PPA2: variants seen among roughly 807,000 people sequenced by gnomAD.
The protein encoded by PPA2 is inorganic pyrophosphatase 2.
Under a neutral mutation model 49.5 loss-of-function variants are expected in PPA2, and 48 were observed. The observed-to-expected ratio is 0.97, with a 90% CI of 0.77 to 1.23. The LOEUF is 1.23. Ranked by LOEUF, PPA2 falls within the 50% of genes most tolerant of loss-of-function variation. PPA2 has a pLI of 0.00. For missense variants in PPA2, 429 were observed against 410.1 expected, an observed-to-expected ratio of 1.05 and a Z score of -0.40; for synonymous variants, 131 against 139.9, an observed-to-expected ratio of 0.94 and a Z score of 0.45.
chr4:105,438,153 A>G (rs763393976), intron 5 of PPA2, 117 bp from the exon 6 acceptor site: 59 of 743,376 alleles, frequency 7.9e-5, no homozygotes, highest in Non-Finnish European at 1.2e-4. Flanking sequence ...AAACATTATC[A>G]GAAATTACAT....
In PPA2 at chr4:105,452,853, T is replaced by C. The variant is rs140740729; in HGVS notation, c.267+745A>G. Reference sequence around the variant, plus strand: ...CTATTAAAGGTTTGACAGCCACATATATTTGTTTAGATATATTTAGAATAT... The same window carrying C: ...CTATTAAAGGTTTGACAGCCACATACATTTGTTTAGATATATTTAGAATAT... On this transcript the variant is annotated intron_variant, in intron 3 of 11. Transcript: ENST00000341695. 9.8e-4 allele frequency among the ~76,000 whole-genome samples: 149 copies of C among 152,228 alleles called. 1 individual carries two copies. The highest frequency in any genetic ancestry group is 3.4e-3 in the African/African-American group (142 of 41,524).
intron 1 of PPA2, chr4:105,473,675 T>G (rs1723631486): frequency 1.2e-6 from 1 of 813,582 alleles, no homozygotes; most frequent in Admixed American, 1.7e-5. Flanking sequence ...GCCTCTGCTC[T>G]CCGCTTTGGG....
At chr4:105,413,378 T>C (rs1406446986) in intron 7 of PPA2, among the ~76,000 whole-genome samples, 1 of 151,838 alleles carries the variant, frequency 6.6e-6, no homozygotes, top group Non-Finnish European at 1.5e-5. Context: ...AAATGACGAG[T>C]TGATGGGTGC....
At chr4:105,465,714 G>A (rs191679843) in intron 1 of PPA2, among the ~76,000 whole-genome samples, 1 of 152,126 alleles carries the variant, frequency 6.6e-6, no homozygotes, top group African/African-American at 2.4e-5. Flanking sequence ...TCCAGTCTTC[G>A]AGCATTCAGT....
chr4:105,414,514 C>T (rs1477868297), intron 7 of PPA2, among the ~76,000 whole-genome samples: 7 of 152,204 alleles, frequency 4.6e-5, no homozygotes, highest in Non-Finnish European at 8.8e-5. Context: ...GCACAGGCAC[C>T]GGCTCCCTGC....
chr4:105,414,513 C>T (rs1195155628), intron 7 of PPA2, among the ~76,000 whole-genome samples: 1 of 152,238 alleles, frequency 6.6e-6, no homozygotes, highest in Non-Finnish European at 1.5e-5. Context: ...AGCACAGGCA[C>T]CGGCTCCCTG....
intron 5 of PPA2, among the ~76,000 whole-genome samples, chr4:105,439,477 C>T (rs768772001): frequency 1.3e-5 from 2 of 152,066 alleles, no homozygotes; most frequent in Non-Finnish European, 2.9e-5. Flanking sequence ...GTTACTGCTT[C>T]TTTTTTTCTA....
intron 5 of PPA2, among the ~76,000 whole-genome samples, chr4:105,439,869 A>G (rs1381828895): frequency 9.4e-6 from 1 of 106,818 alleles, no homozygotes; most frequent in African/African-American, 3.6e-5. Flanking sequence ...CCAGTGTGTG[A>G]TGCTCCCCTT....
rs944880172 is a variant in PPA2 at position 105,449,134 on chromosome 4, G to A, written c.321+216C>T. Among the ~76,000 whole-genome samples the A allele has an allele frequency of 3.0e-5, 4 of 131,462 alleles. No homozygotes were observed. The East Asian group carries it at 8.5e-4, about 28-fold the overall frequency. 86.2% of individuals were successfully genotyped at this position (131,462 alleles called of 152,430 possible). On this transcript the variant is annotated intron_variant, in intron 4 of 11. Transcript: ENST00000341695. ...TGGGAGGCTGAGGCAGGAGAATGGC[G>A]TGAACCCGGGAGGCGGAGCTTGCAG... is the stretch of plus-strand genomic sequence containing the variant.
intron 7 of PPA2, among the ~76,000 whole-genome samples, chr4:105,402,998 TTTTC>T (rs1254828024): frequency 3.0e-4 from 45 of 150,532 alleles, no homozygotes; most frequent in Non-Finnish European, 5.3e-4. Context: ...TCTTTCCTCT[TTTTC>T]TTTCTTTCTT....
intron 7 of PPA2, among the ~76,000 whole-genome samples, chr4:105,411,410 G>A (rs571179071): frequency 2.6e-5 from 4 of 152,204 alleles, no homozygotes; most frequent in African/African-American, 7.2e-5. Flanking sequence ...GATTCATAAA[G>A]CAAGTACTTA....
At chr4:105,396,408 C>T in intron 8 of PPA2, 74 bp from the exon 9 acceptor site, 3 of 983,570 alleles carry the variant, frequency 3.1e-6, no homozygotes, top group Non-Finnish European at 4.5e-6. Flanking sequence ...CAAAACTAAT[C>T]TTGTGATGAC....
At chr4:105,405,779 T>C (rs1722443163) in intron 7 of PPA2, 1 of 561,386 alleles carries the variant, frequency 1.8e-6, no homozygotes, top group South Asian at 1.5e-5. Flanking sequence ...ATAAGTAACT[T>C]TGTAGACCCA....
At chr4:105,377,082 C>T (rs1733284865) in intron 10 of PPA2, among the ~76,000 whole-genome samples, 1 of 152,152 alleles carries the variant, frequency 6.6e-6, no homozygotes, top group African/African-American at 2.4e-5. Context: ...CTTGTTCCAC[C>T]TCTTCTTCCT....
At chr4:105,421,993 A>G (rs1159825360) in intron 7 of PPA2, among the ~76,000 whole-genome samples, 1 of 152,142 alleles carries the variant, frequency 6.6e-6, no homozygotes, top group Non-Finnish European at 1.5e-5. Context: ...CAGTGAGCTG[A>G]GATTGTGCCA....
chr4:105,399,026 C>T lies in PPA2; in HGVS notation c.783+11G>A. 1 of 1,603,570 alleles carries T rather than the reference C, an allele frequency of 6.2e-7. No individual in the cohort carries two copies. On this transcript the variant is annotated intron_variant, in intron 8 of 11. Coordinates refer to ENST00000341695, the MANE Select transcript of PPA2 (RefSeq NM_176869.3). ...GGAGGTACATTTTAAAATAAAGATTCTCATCTTCACCTTGTTTTTGAATTC... is the reference window on the plus strand; with the variant it reads ...GGAGGTACATTTTAAAATAAAGATTTTCATCTTCACCTTGTTTTTGAATTC...
At chr4:105,390,243 T>A (rs150762646) in intron 9 of PPA2, among the ~76,000 whole-genome samples, 2,515 of 152,250 alleles carry the variant, frequency 0.017, 50 homozygotes, top group African/African-American at 0.054. Flanking sequence ...ATTCAGGACA[T>A]AGGCATGGGC....
chr4:105,398,814 A>G (rs1406126490), intron 8 of PPA2: 1 of 385,042 alleles, frequency 2.6e-6, no homozygotes, highest in African/African-American at 2.1e-5. Flanking sequence ...TAGGAGCTAT[A>G]GACACATAGA....
At chr4:105,385,879 ATTTT>A (rs57267137) in intron 10 of PPA2, among the ~76,000 whole-genome samples, 1 of 131,042 alleles carries the variant, frequency 7.6e-6, no homozygotes, top group Admixed American at 8.1e-5. Flanking sequence ...TTTATTTTCA[ATTTT>A]TTTTTTTTTT....
Sources: allele counts gnomAD v4.1 joint callset (sites outside exome capture counted in the v4.1 genomes callset), GRCh38; gene constraint gnomAD v4.1.1; transcripts MANE v1.5; gene names NCBI Gene and HGNC (gene_info 2026-07-23, HGNC 2026-07-21).